RETREG1: variants seen among roughly 807,000 people sequenced by gnomAD.
RETREG1 encodes the protein family with sequence similarity 134 member B.
In RETREG1, 44 loss-of-function variants were observed where a neutral mutation model predicts 54.8. The observed-to-expected ratio is 0.80, with a 90% CI of 0.63 to 1.03. The LOEUF (loss-of-function observed/expected upper bound fraction) is 1.03, where lower values mean the gene tolerates loss of function less well. RETREG1 is among the 50% of genes least tolerant of loss of function. The pLI is 0.00. For synonymous variants in RETREG1, 217 were observed against 238.5 expected (o/e 0.91, Z 0.83); for missense variants, 554 against 605.1 (o/e 0.92, Z 0.89).
chr5:16,544,910 A>G (rs1741346411), intron 3 of RETREG1, among the ~76,000 whole-genome samples: 1 of 152,220 alleles, frequency 6.6e-6, no homozygotes, highest in African/African-American at 2.4e-5. Flanking sequence ...CTGGGGCCAC[A>G]TTATCTCCTA....
At position 16,585,842 on chromosome 5, in the gene RETREG1, G is replaced by T. The variant is rs1426030820; in HGVS notation, c.321-13740C>A. Reference sequence around the variant, plus strand: ...GTGGCAAGAGGGAGTGTGGGGAGGGGGTGCCACATATTTAAACTACCAGAT... The same window carrying T: ...GTGGCAAGAGGGAGTGTGGGGAGGGTGTGCCACATATTTAAACTACCAGAT... On this transcript the variant is annotated intron_variant, in intron 1 of 8. Transcript: ENST00000306320. The surrounding 1 kb of genome is among the most constrained non-coding windows in gnomAD (Gnocchi z 4.5). Among the ~76,000 whole-genome samples, 1 of 151,894 alleles carries T rather than the reference G, an allele frequency of 6.6e-6. No individual in the cohort carries two copies. The highest frequency in any genetic ancestry group is 6.6e-5 in the Admixed American group (1 of 15,248).
chr5:16,544,187 G>T (rs189376714), intron 3 of RETREG1, among the ~76,000 whole-genome samples: 1 of 152,108 alleles, frequency 6.6e-6, no homozygotes, highest in South Asian at 2.1e-4. Context: ...TGTTGGCCAG[G>T]CTGGTCTCCA....
intron 1 of RETREG1, among the ~76,000 whole-genome samples, chr5:16,595,702 GC>G (rs1742880944): frequency 1.3e-5 from 2 of 152,190 alleles, no homozygotes; most frequent in Non-Finnish European, 2.9e-5. Flanking sequence ...GCAAGAGGAA[GC>G]CCTTGACTGC....
intron 3 of RETREG1, among the ~76,000 whole-genome samples, chr5:16,543,675 C>CAA (rs758476063): frequency 3.9e-3 from 277 of 70,342 alleles, no homozygotes; most frequent in African/African-American, 0.013. Context: ...GACAACATCT[C>CAA]AAAAAAAAAA....
intron 1 of RETREG1, among the ~76,000 whole-genome samples, chr5:16,590,190 A>T (rs1054268234): frequency 4.6e-5 from 7 of 152,218 alleles, no homozygotes; most frequent in Middle Eastern, 6.8e-3. Flanking sequence ...TGATCCTGGG[A>T]CCTCCAGGAT....
At chr5:16,533,602 A>G (rs1388584549) in intron 3 of RETREG1, among the ~76,000 whole-genome samples, 1 of 152,126 alleles carries the variant, frequency 6.6e-6, no homozygotes, top group East Asian at 1.9e-4. Flanking sequence ...TATGGTGAGA[A>G]TTCACACCCC....
intron 1 of RETREG1, among the ~76,000 whole-genome samples, chr5:16,602,247 CT>C (rs1315918568): frequency 3.3e-5 from 5 of 152,142 alleles, no homozygotes; most frequent in African/African-American, 1.2e-4. Flanking sequence ...AAATGGGGGC[CT>C]CCCCATTCAG....
At chr5:16,532,792 C>T (rs551716941) in intron 3 of RETREG1, among the ~76,000 whole-genome samples, 1 of 152,082 alleles carries the variant, frequency 6.6e-6, no homozygotes, top group Non-Finnish European at 1.5e-5. Flanking sequence ...ATGTAAAATA[C>T]TATGGTGAAA....
At chr5:16,518,221 C>G (rs980677872) in intron 3 of RETREG1, among the ~76,000 whole-genome samples, 9 of 146,290 alleles carry the variant, frequency 6.2e-5, no homozygotes, top group Non-Finnish European at 1.2e-4. Context: ...AATATATTGA[C>G]TATATATTTA....
In RETREG1 at chr5:16,478,985, G is replaced by A; in HGVS notation, c.673C>T (p.Leu225=). The change falls in exon 6 of 9, where the codon CTG becomes TTG. Residue 225 remains leucine, a splice_region_variant and synonymous_variant. Coordinates refer to ENST00000306320, the MANE Select transcript of RETREG1 (RefSeq NM_001034850.3). ...PGVILSYLLL[L]CAFLCPLFKC... is the part of the protein sequence containing the mutation. ...AACAATGGACACAAAAATGCACACA[G>A]TACTGAAAGAAGAAAGAGAGCAGAG... is the stretch of plus-strand genomic sequence containing the variant. 1 of 1,611,562 alleles carries A rather than the reference G, an allele frequency of 6.2e-7. No homozygotes were observed. Among genetic ancestry groups the A allele is most frequent in the Non-Finnish European group, 8.5e-7 (1 of 1,178,586 alleles).
chr5:16,510,140 C>CATACA (rs1740123023), intron 3 of RETREG1, among the ~76,000 whole-genome samples: 2 of 152,232 alleles, frequency 1.3e-5, no homozygotes, highest in South Asian at 4.1e-4. Context: ...CTTTCTACCA[C>CATACA]ATTAAAGAAA....
At chr5:16,526,017 A>G (rs1032199182) in intron 3 of RETREG1, among the ~76,000 whole-genome samples, 1 of 152,202 alleles carries the variant, frequency 6.6e-6, no homozygotes, top group East Asian at 1.9e-4. Flanking sequence ...TGCCCTACTC[A>G]AAGTGCTCTG....
intron 3 of RETREG1, among the ~76,000 whole-genome samples, chr5:16,550,272 AT>A (rs977560310): frequency 7.1e-5 from 5 of 69,982 alleles, no homozygotes; most frequent in Non-Finnish European, 9.1e-5. Context: ...CCTCTTTAAA[AT>A]TTAAAAAAAA....
intron 3 of RETREG1, chr5:16,508,540 G>C: frequency 6.4e-7 from 1 of 1,574,210 alleles, no homozygotes; most frequent in Non-Finnish European, 8.7e-7. Context: ...CAGTGAAACA[G>C]ACTGAAGAAT....
intron 1 of RETREG1, among the ~76,000 whole-genome samples, chr5:16,604,966 T>C (rs1454221383): frequency 6.6e-6 from 1 of 152,160 alleles, no homozygotes; most frequent in Non-Finnish European, 1.5e-5. Flanking sequence ...ACTAATATAG[T>C]ATAGGGGTGA....
chr5:16,495,356 T>C (rs1171000455), intron 3 of RETREG1, among the ~76,000 whole-genome samples: 1 of 152,142 alleles, frequency 6.6e-6, no homozygotes, highest in Non-Finnish European at 1.5e-5. Context: ...CAAGTGCAAA[T>C]AGCCAAGTCA....
At chr5:16,524,892 C>A (rs73753080) in intron 3 of RETREG1, among the ~76,000 whole-genome samples, 38 of 146,446 alleles carry the variant, frequency 2.6e-4, no homozygotes, top group African/African-American at 8.1e-4. Context: ...CTGCGTCCTC[C>A]GGCTCCTGCA....
chr5:16,583,717 G>A (rs886756280), intron 1 of RETREG1, among the ~76,000 whole-genome samples: 8 of 152,108 alleles, frequency 5.3e-5, no homozygotes. Context: ...TTCTTTCCAT[G>A]TGTAAAAATC....
rs140896920 is a variant in RETREG1 at position 16,549,196 on chromosome 5, G to C, written c.458+16567C>G. On this transcript the variant is annotated intron_variant, in intron 3 of 8. Coordinates refer to ENST00000306320, the MANE Select transcript of RETREG1 (RefSeq NM_001034850.3). ...AATTATCGATCCCATATTCTAACCA[G>C]CTTGAGGAAATTCATTTATTACAAG... 6.0e-3 allele frequency among the ~76,000 whole-genome samples: 912 copies of C among 152,284 alleles called. 11 individuals are homozygous for C. The highest frequency in any genetic ancestry group is 0.021 in the African/African-American group (889 of 41,550).
Sources: allele counts gnomAD v4.1 joint callset (sites outside exome capture counted in the v4.1 genomes callset), GRCh38; gene constraint gnomAD v4.1.1; non-coding constraint Gnocchi (gnomAD v3.1); transcripts MANE v1.5; gene names NCBI Gene and HGNC (gene_info 2026-07-23, HGNC 2026-07-21).